The following ANO10 variants were observed in gnomAD, a reference collection of about 807,000 sequenced individuals.
ANO10 encodes the protein anoctamin 10.
In ANO10, 77 loss-of-function variants were observed where a neutral mutation model predicts 74.7. The observed-to-expected ratio is 1.03, with a 90% CI of 0.86 to 1.25. The LOEUF (loss-of-function observed/expected upper bound fraction) is 1.25, where lower values mean the gene tolerates loss of function less well. Ranked by LOEUF, ANO10 falls within the 50% of genes most tolerant of loss-of-function variation. ANO10 has a pLI of 0.00. For synonymous variants in ANO10, 279 were observed against 284.9 expected (o/e 0.98, Z 0.21); for missense variants, 721 against 778.1 (o/e 0.93, Z 0.87).
At chr3:43,534,494 G>A (rs1274518908) in intron 11 of ANO10, among the ~76,000 whole-genome samples, 3 of 150,918 alleles carry the variant, frequency 2.0e-5, no homozygotes, top group Non-Finnish European at 4.4e-5. Context: ...GCGCGCAAGA[G>A]AGAACGGGAG....
chr3:43,597,134 G>A (rs982541459), intron 4 of ANO10, among the ~76,000 whole-genome samples: 1 of 152,158 alleles, frequency 6.6e-6, no homozygotes, highest in African/African-American at 2.4e-5. Flanking sequence ...GAGAGGATGT[G>A]GAGAAATAGG....
chr3:43,509,603 A>G (rs189444071), intron 11 of ANO10, among the ~76,000 whole-genome samples: 11 of 152,358 alleles, frequency 7.2e-5, no homozygotes, highest in African/African-American at 2.6e-4. Flanking sequence ...TGGTGGGAAT[A>G]TAAAATGGTA....
chr3:43,482,072 G>A (rs2076293493), intron 11 of ANO10, among the ~76,000 whole-genome samples: 1 of 151,814 alleles, frequency 6.6e-6, no homozygotes, highest in Admixed American at 6.6e-5. Context: ...GGGACTACAG[G>A]TGCGTGCCAC....
At chr3:43,427,566 A>C (rs2092917214) in intron 12 of ANO10, among the ~76,000 whole-genome samples, 1 of 152,230 alleles carries the variant, frequency 6.6e-6, no homozygotes. Flanking sequence ...TAAGCTTACT[A>C]TCAATATCTG....
intron 12 of ANO10, among the ~76,000 whole-genome samples, chr3:43,411,803 C>T (rs1024224281): frequency 3.3e-5 from 5 of 152,096 alleles, no homozygotes; most frequent in Non-Finnish European, 5.9e-5. Context: ...TACTGTTTTG[C>T]AGAGAAATTA....
rs182819954 is a variant in ANO10, at chr3:43,582,942, C to G, written c.473-2470G>C. 8.5e-5 allele frequency among the ~76,000 whole-genome samples: 13 copies of G among 152,340 alleles called. No homozygotes were observed. In the East Asian group the frequency reaches 2.5e-3, roughly 29 times the overall value. On this transcript the variant is annotated intron_variant, in intron 4 of 12. Transcript: ENST00000292246. ...TTATTTGGGGATGTACAGGCTACAG[C>G]TGATTCCTTCTTCCTATCACTACTC...
At chr3:43,433,587 C>T (rs545299779) in intron 11 of ANO10, among the ~76,000 whole-genome samples, 1 of 152,262 alleles carries the variant, frequency 6.6e-6, no homozygotes, top group African/African-American at 2.4e-5. Flanking sequence ...ATGGTAAGTA[C>T]ACAGACATTA....
At chr3:43,460,689 TCAGACAGACACA>T (rs1419042365) in intron 11 of ANO10, among the ~76,000 whole-genome samples, 1 of 151,536 alleles carries the variant, frequency 6.6e-6, no homozygotes, top group Non-Finnish European at 1.5e-5. Flanking sequence ...ATGAAGAAAA[TCAGACAGACACA>T]CAGCTATGCA....
intron 11 of ANO10, among the ~76,000 whole-genome samples, chr3:43,492,687 T>C (rs1456856237): frequency 6.6e-6 from 1 of 152,052 alleles, no homozygotes; most frequent in Non-Finnish European, 1.5e-5. Context: ...TATGAAAAAA[T>C]GCTAATCATC....
intron 1 of ANO10, among the ~76,000 whole-genome samples, chr3:43,685,854 A>G (rs1275716246): frequency 6.6e-6 from 1 of 152,204 alleles, no homozygotes; most frequent in African/African-American, 2.4e-5. Flanking sequence ...GTTTCTTAAC[A>G]TGTTCAAAAA....
At chr3:43,490,140 C>T (rs1388811766) in intron 11 of ANO10, among the ~76,000 whole-genome samples, 1 of 152,196 alleles carries the variant, frequency 6.6e-6, no homozygotes, top group Non-Finnish European at 1.5e-5. Context: ...TACGTAAAGT[C>T]ACTCAGCTTA....
chr3:43,668,878 ACT>A (rs1491539145), intron 1 of ANO10, among the ~76,000 whole-genome samples: 2 of 151,936 alleles, frequency 1.3e-5, no homozygotes, highest in Non-Finnish European at 2.9e-5. Context: ...TATATTCCAT[ACT>A]TTTTTTCGCT....
chr3:43,591,482 G>C lies in ANO10; in HGVS notation c.472+7050C>G, dbSNP rs151319121. ...TCCTTGGAATCCGTGAGGCTCCCCA[G>C]GTCAGAGAACAAAAGACTTGCCCCC... On this transcript the variant is annotated intron_variant, in intron 4 of 12. Coordinates refer to ENST00000292246, the MANE Select transcript of ANO10 (RefSeq NM_018075.5). Among the ~76,000 whole-genome samples, 15 of 152,292 alleles carry C rather than the reference G, an allele frequency of 9.8e-5. No individual in the cohort carries two copies. In the East Asian group the frequency reaches 2.5e-3, roughly 25 times the overall value.
chr3:43,563,578 C>T lies in ANO10; in HGVS notation c.1293+2075G>A, dbSNP rs1026931778. Among the ~76,000 whole-genome samples the T allele has an allele frequency of 5.3e-5, 8 of 151,980 alleles. No individual in the cohort carries two copies. The East Asian group carries it at 5.8e-4, about 11-fold the overall frequency. On this transcript the variant is annotated intron_variant, in intron 8 of 12. Transcript: ENST00000292246. ...ATGTTTACTGCAGCACTATTTGTAACAATAAAGAAACAGAATCAACCTCAG... is the reference window on the plus strand; with the variant it reads ...ATGTTTACTGCAGCACTATTTGTAATAATAAAGAAACAGAATCAACCTCAG...
intron 1 of ANO10, among the ~76,000 whole-genome samples, chr3:43,617,428 G>A (rs536361392): frequency 1.7e-4 from 26 of 152,234 alleles, no homozygotes; most frequent in Non-Finnish European, 2.8e-4. Flanking sequence ...ACCCTGGGGC[G>A]TGGGATTATG....
intron 9 of ANO10, among the ~76,000 whole-genome samples, chr3:43,558,292 T>A (rs879862904): frequency 1.1e-4 from 17 of 152,324 alleles, no homozygotes; most frequent in Admixed American, 2.0e-4. Context: ...AGGCAGTTCA[T>A]TTACTGTGCA....
chr3:43,382,071 G>A (rs990147830), intron 12 of ANO10, among the ~76,000 whole-genome samples: 2 of 152,180 alleles, frequency 1.3e-5, no homozygotes, highest in African/African-American at 4.8e-5. Flanking sequence ...AAGGCAGTGC[G>A]GATACAGCAA....
In ANO10 at chr3:43,392,785, A is replaced by T. The variant is rs558386899; in HGVS notation, c.1915-25811T>A. 9.2e-5 allele frequency among the ~76,000 whole-genome samples: 14 copies of T among 152,058 alleles called. 1 individual carries two copies. The highest frequency in any genetic ancestry group is 3.4e-4 in the African/African-American group (14 of 41,486). On this transcript the variant is annotated intron_variant, in intron 12 of 12. Coordinates refer to ENST00000292246, the MANE Select transcript of ANO10 (RefSeq NM_018075.5). Reference sequence around the variant, plus strand: ...TTTCTCTCCTCTCTTTTCCAGCCAAATGCATTTAAGTTGTCTATCCTGGTT... The same window carrying T: ...TTTCTCTCCTCTCTTTTCCAGCCAATTGCATTTAAGTTGTCTATCCTGGTT...
At chr3:43,387,509 C>T (rs925790969) in intron 12 of ANO10, among the ~76,000 whole-genome samples, 7 of 152,190 alleles carry the variant, frequency 4.6e-5, no homozygotes, top group African/African-American at 1.7e-4. Context: ...CTACACGCAG[C>T]TGGGAGCAGT....
Sources: allele counts gnomAD v4.1 joint callset (sites outside exome capture counted in the v4.1 genomes callset), GRCh38; gene constraint gnomAD v4.1.1; transcripts MANE v1.5; gene names NCBI Gene and HGNC (gene_info 2026-07-23, HGNC 2026-07-21).